The following BRD4 variants were observed in gnomAD, a reference collection of about 807,000 sequenced individuals.
The protein encoded by BRD4 is bromodomain-containing protein 4.
Under a neutral mutation model 142.1 loss-of-function variants are expected in BRD4, and 16 were observed. The observed-to-expected ratio is 0.11, with a 90% CI of 0.08 to 0.17. BRD4 has a LOEUF of 0.17. BRD4 is among the 10% of genes least tolerant of loss of function. BRD4 has a pLI of 1.00. For missense variants in BRD4, 1,424 were observed against 1,810.9 expected (o/e 0.79, Z 3.88); for synonymous variants, 833 against 707.5 (o/e 1.18, Z -2.82).
In BRD4 at chr19:15,238,655, C is replaced by T; in HGVS notation, c.4020+88G>A. ...GCAGGGACGGGGCTCCCCCGCTGCC[C>T]CTCCCTGTCCAGGCTCCAGTCCCCC... On this transcript the variant is annotated intron_variant, in intron 19 of 19. Transcript: ENST00000679869. The surrounding 1 kb of genome is among the most constrained non-coding windows in gnomAD (Gnocchi z 7.2). 1.4e-6 allele frequency: 2 copies of T among 1,457,258 alleles called. No homozygotes were observed. The highest frequency in any genetic ancestry group is 1.8e-6 in the Non-Finnish European group (2 of 1,103,734). 90.3% of individuals were successfully genotyped at this position (1,457,258 alleles called of 1,614,324 possible).
intron 1 of BRD4, among the ~76,000 whole-genome samples, chr19:15,329,884 A>G (rs2048142137): frequency 6.6e-6 from 1 of 152,248 alleles, no homozygotes; most frequent in Non-Finnish European, 1.5e-5. Flanking sequence ...AGATCACAAC[A>G]ACTGGCTCAA....
At position 15,239,053 on chromosome 19, in the gene BRD4, G is replaced by A. The variant is rs374034348; in HGVS notation, c.3782+6C>T. ...GTCCCCATGCCCCACCCAGACACCC[G>A]CCCACCTCATGCGCTCCTGCCGCAG... On this transcript the variant is annotated splice_donor_region_variant and intron_variant, in intron 18 of 19. Transcript: ENST00000679869. The surrounding 1 kb of genome is among the most constrained non-coding windows in gnomAD (Gnocchi z 7.4). 6.9e-5 allele frequency: 110 copies of A among 1,583,144 alleles called. No individual in the cohort carries two copies. The highest frequency in any genetic ancestry group is 6.4e-5 in the Non-Finnish European group (75 of 1,168,356).
rs528488100 is a variant in BRD4 at position 15,253,324 on chromosome 19, G to T, written c.2158+828C>A. 1.3e-4 allele frequency: 74 copies of T among 577,540 alleles called. No individual in the cohort carries two copies. In the African/African-American group the frequency reaches 1.3e-3, roughly 10 times the overall value. 35.8% of individuals were successfully genotyped at this position (577,540 alleles called of 1,614,324 possible). A position where few individuals can be genotyped will look rare whatever the true frequency, so the allele number is the denominator to read the frequency against. Reference sequence around the variant, plus strand: ...CCAGCCTGAGCATCTGCGCCCCTGAGAATAATGAGGAAAGTGCACACTTGG... The same window carrying T: ...CCAGCCTGAGCATCTGCGCCCCTGATAATAATGAGGAAAGTGCACACTTGG... On this transcript the variant is annotated intron_variant, in intron 11 of 19. Transcript: ENST00000679869.
chr19:15,301,609 C>G (rs562253085), intron 1 of BRD4, among the ~76,000 whole-genome samples: 10 of 150,864 alleles, frequency 6.6e-5, no homozygotes, highest in Non-Finnish European at 1.3e-4. Flanking sequence ...CGCCTGTAAT[C>G]CCAGCACTTT....
intron 7 of BRD4, among the ~76,000 whole-genome samples, chr19:15,261,522 T>G (rs2047471411): frequency 6.6e-6 from 1 of 151,692 alleles, no homozygotes; most frequent in African/African-American, 2.4e-5. Flanking sequence ...TTAAAAAGCC[T>G]GAACTCCTTC....
At position 15,255,945 on chromosome 19, in the gene BRD4, G is replaced by A. The variant is rs1242219201; in HGVS notation, c.1751+119C>T. On this transcript the variant is annotated intron_variant, in intron 9 of 19. Coordinates refer to ENST00000679869, the MANE Select transcript of BRD4 (RefSeq NM_001379291.1). ...CCACCAGCCTGGCCTGTGAAGCCAC[G>A]GCTGCAGAGGGGCAGCCTCCGCACC... 12 of 1,359,962 alleles carry A rather than the reference G, an allele frequency of 8.8e-6. No homozygotes were observed. In the East Asian group the frequency reaches 9.2e-5, roughly 10 times the overall value. The allele number at this position is 1,359,962 out of a possible 1,614,324, so 84.2% of individuals were successfully genotyped here.
Position 15,238,727 on chromosome 19 carries a change from A to C in BRD4, c.4020+16T>G. The C allele has an allele frequency of 6.6e-7, 1 of 1,504,770 alleles. No homozygotes were observed. Among genetic ancestry groups the C allele is most frequent in the Non-Finnish European group, 8.9e-7 (1 of 1,126,054 alleles). 93.2% of individuals were successfully genotyped at this position (1,504,770 alleles called of 1,614,324 possible). On this transcript the variant is annotated intron_variant, in intron 19 of 19. Transcript: ENST00000679869. This position sits in a 1 kb window ranked among gnomAD's most constrained non-coding sequence, Gnocchi z 7.2. The stretch of plus-strand genomic sequence containing the variant: ...TAATCCTTAGACCAGGGTCCCCACC[A>C]GGCCTCCAGACTCACGGCTTCCCGG...
chr19:15,281,142 T>C (rs1377934369), intron 1 of BRD4, among the ~76,000 whole-genome samples: 3 of 152,238 alleles, frequency 2.0e-5, no homozygotes, highest in African/African-American at 7.2e-5. Context: ...CTGCGCCGCC[T>C]GGAGCCGGGC....
rs546784598 is a variant in BRD4, at chr19:15,267,270, C to G, written c.559+146G>C. ...TGACCCTATGGGATGGATCCAACAC[C>G]AAACCCAATCTCACATGTCCAAACA... is the stretch of plus-strand genomic sequence containing the variant. On this transcript the variant is annotated intron_variant, in intron 4 of 19. Coordinates refer to ENST00000679869, the MANE Select transcript of BRD4 (RefSeq NM_001379291.1). 3 of 1,106,602 alleles carry G rather than the reference C, an allele frequency of 2.7e-6. No individual in the cohort carries two copies. In the South Asian group the frequency reaches 4.6e-5, roughly 17 times the overall value. 68.5% of individuals were successfully genotyped at this position (1,106,602 alleles called of 1,614,324 possible). A position where few individuals can be genotyped will look rare whatever the true frequency, so the allele number is the denominator to read the frequency against.
At chr19:15,287,808 C>T (rs1005583898) in intron 1 of BRD4, among the ~76,000 whole-genome samples, 2 of 151,266 alleles carry the variant, frequency 1.3e-5, no homozygotes, top group African/African-American at 2.4e-5. Context: ...CTCCCTTTGT[C>T]GCCCAAGCTG....
chr19:15,301,431 C>T (rs936830532), intron 1 of BRD4, among the ~76,000 whole-genome samples: 2 of 151,788 alleles, frequency 1.3e-5, no homozygotes, highest in African/African-American at 2.4e-5. Flanking sequence ...CATGGTGGTG[C>T]GCACCTGTAA....
chr19:15,280,330 C>CA, intron 1 of BRD4: 1 of 1,013,670 alleles, frequency 9.9e-7, no homozygotes, highest in Non-Finnish European at 1.2e-6. Context: ...TTGGCTTGGC[C>CA]AGCAGCACCA....
At chr19:15,298,284 T>C (rs367647876) in intron 1 of BRD4, among the ~76,000 whole-genome samples, 2 of 152,232 alleles carry the variant, frequency 1.3e-5, no homozygotes, top group East Asian at 1.9e-4. Flanking sequence ...TACAGGACTG[T>C]AGTTAACTCA....
chr19:15,256,271 C>A lies in BRD4; in HGVS notation c.1552-8G>T. Reference sequence around the variant, plus strand: ...CTCGTGCACGGCTTTGAGCTGTAGACCAGACAGGCAAGACACACACTCAGG... The same window carrying A: ...CTCGTGCACGGCTTTGAGCTGTAGAACAGACAGGCAAGACACACACTCAGG... On this transcript the variant is annotated splice_polypyrimidine_tract_variant and splice_region_variant and intron_variant, in intron 8 of 19. Coordinates refer to ENST00000679869, the MANE Select transcript of BRD4 (RefSeq NM_001379291.1). 1 of 1,608,702 alleles carries A rather than the reference C, an allele frequency of 6.2e-7. No homozygotes were observed. Among genetic ancestry groups the A allele is most frequent in the Non-Finnish European group, 8.5e-7 (1 of 1,178,966 alleles).
intron 13 of BRD4, 137 bp from the exon 14 acceptor site, chr19:15,243,624 T>C: frequency 2.2e-6 from 3 of 1,371,368 alleles, no homozygotes; most frequent in South Asian, 3.4e-5. Context: ...CCTCCCCACC[T>C]ACCGTGGCCT....
intron 1 of BRD4, chr19:15,331,863 G>C (rs1283578697): frequency 1.4e-5 from 2 of 143,168 alleles, no homozygotes; most frequent in South Asian, 2.1e-4. Context: ...CGGACCCCGC[G>C]GCGGCCGCTT....
chr19:15,238,477 G>A lies in BRD4; in HGVS notation c.4021-32C>T, dbSNP rs1362666450. 1.2e-6 allele frequency: 2 copies of A among 1,613,624 alleles called. No individual in the cohort carries two copies. Among genetic ancestry groups the A allele is most frequent in the South Asian group, 2.2e-5 (2 of 91,038 alleles). On this transcript the variant is annotated intron_variant, in intron 19 of 19. Coordinates refer to ENST00000679869, the MANE Select transcript of BRD4 (RefSeq NM_001379291.1). This position sits in a 1 kb window ranked among gnomAD's most constrained non-coding sequence, Gnocchi z 7.2. ...GAGAAAGGAAGGAGGGAGTCAGGAG[G>A]ATGACCTAGCCACCCTGCAGCTACA...
intron 1 of BRD4, among the ~76,000 whole-genome samples, chr19:15,280,684 C>A (rs1467240613): frequency 6.6e-6 from 1 of 152,136 alleles, no homozygotes; most frequent in East Asian, 1.9e-4. Flanking sequence ...AGACTGCCAG[C>A]CAATGCCAAC....
At chr19:15,276,826 G>A (rs1294495792) in intron 1 of BRD4, among the ~76,000 whole-genome samples, 3 of 152,142 alleles carry the variant, frequency 2.0e-5, no homozygotes, top group African/African-American at 7.2e-5. Context: ...GCATTCTCCC[G>A]AGTGATTAGG....
Sources: gnomAD v4.1 joint callset for allele counts (sites outside exome capture counted in the v4.1 genomes callset) on GRCh38, gnomAD v4.1.1 for gene constraint, Gnocchi (gnomAD v3.1) non-coding constraint, MANE v1.5 for transcripts, NCBI Gene and HGNC (gene_info 2026-07-23, HGNC 2026-07-21) for gene names.